Variants in CFAP299 observed in about 807,000 individuals in gnomAD.
The protein encoded by CFAP299 is cilia and flagella associated protein 299.
CFAP299 carries 21 observed loss-of-function variants against 27.0 expected under a neutral mutation model. The ratio of observed to expected loss-of-function variants is 0.78; its 90% CI spans 0.55 to 1.12. The LOEUF is 1.12. CFAP299 is among the 50% of genes most tolerant of loss of function. CFAP299 has a pLI of 0.00. For synonymous variants in CFAP299, 104 were observed against 98.1 expected (o/e 1.06, Z -0.36); for missense variants, 310 against 276.6 (o/e 1.12, Z -0.86).
intron 3 of CFAP299, among the ~76,000 whole-genome samples, chr4:80,750,440 A>G (rs545435785): frequency 9.2e-5 from 14 of 152,204 alleles, no homozygotes; most frequent in Non-Finnish European, 1.3e-4. Flanking sequence ...ACACTGAAAT[A>G]TATGAACAAG....
intron 3 of CFAP299, among the ~76,000 whole-genome samples, chr4:80,751,080 C>G (rs1289821265): frequency 6.6e-6 from 1 of 152,182 alleles, no homozygotes; most frequent in East Asian, 1.9e-4. Flanking sequence ...TTGTGGTCAT[C>G]TGGAAGAAAC....
At chr4:80,922,223 G>T (rs1282806796) in intron 4 of CFAP299, among the ~76,000 whole-genome samples, 1 of 151,944 alleles carries the variant, frequency 6.6e-6, no homozygotes, top group Non-Finnish European at 1.5e-5. Context: ...TTATAGGAGT[G>T]GTGACTCTGT....
intron 3 of CFAP299, among the ~76,000 whole-genome samples, chr4:80,710,227 C>T (rs528281507): frequency 1.3e-5 from 2 of 152,210 alleles, no homozygotes; most frequent in South Asian, 4.1e-4. Context: ...TTTGTTTTCT[C>T]ATTGGCCAGG....
intron 2 of CFAP299, among the ~76,000 whole-genome samples, chr4:80,401,562 C>T (rs1209224891): frequency 6.6e-6 from 1 of 152,216 alleles, no homozygotes; most frequent in Non-Finnish European, 1.5e-5. Context: ...GTTTGGGAAC[C>T]TCCACGTGGA....
rs1052514031 is a variant in CFAP299 at position 80,783,168 on chromosome 4, C to CT, written c.334-86824dup. Among the ~76,000 whole-genome samples the CT allele has an allele frequency of 1.3e-3, 204 of 152,262 alleles. 2 individuals carry two copies. Among genetic ancestry groups the CT allele is most frequent in the African/African-American group, 4.6e-3 (192 of 41,548 alleles). On this transcript the variant is annotated intron_variant, in intron 3 of 5. Coordinates refer to ENST00000358105, the MANE Select transcript of CFAP299 (RefSeq NM_152770.3). The stretch of plus-strand genomic sequence containing the variant: ...AGGCAGCAAATCTCTGAAGGCTTGA[C>CT]TGAGACTCTAGTATCCACTTCTAAG...
At chr4:80,379,517 A>T (rs1408933831) in intron 2 of CFAP299, among the ~76,000 whole-genome samples, 1 of 151,986 alleles carries the variant, frequency 6.6e-6, no homozygotes, top group Non-Finnish European at 1.5e-5. Flanking sequence ...CTTCTGCTAT[A>T]TAAACTTGAA....
chr4:80,940,370 C>T (rs1459169630), intron 4 of CFAP299, among the ~76,000 whole-genome samples: 1 of 152,192 alleles, frequency 6.6e-6, no homozygotes, highest in African/African-American at 2.4e-5. Context: ...GGCCCTCACT[C>T]AGCTATCATT....
intron 3 of CFAP299, among the ~76,000 whole-genome samples, chr4:80,800,631 T>C (rs1728505438): frequency 9.7e-6 from 1 of 102,966 alleles, no homozygotes; most frequent in Non-Finnish European, 1.7e-5. Context: ...TATATTAATA[T>C]AAATATATAA....
chr4:80,534,956 A>G (rs1733653189), intron 2 of CFAP299, among the ~76,000 whole-genome samples: 1 of 152,218 alleles, frequency 6.6e-6, no homozygotes, highest in Non-Finnish European at 1.5e-5. Flanking sequence ...AGAATCTTCA[A>G]GCTTCTAAAT....
chr4:80,397,417 G>C (rs369157622), intron 2 of CFAP299, among the ~76,000 whole-genome samples: 65 of 151,816 alleles, frequency 4.3e-4, no homozygotes, highest in South Asian at 1.7e-3. Context: ...TTCTTGCCTT[G>C]TGCTAGCTTT....
At chr4:80,469,614 T>C (rs1729883333) in intron 2 of CFAP299, among the ~76,000 whole-genome samples, 1 of 152,208 alleles carries the variant, frequency 6.6e-6, no homozygotes, top group Non-Finnish European at 1.5e-5. Context: ...TAATATTATC[T>C]GTGGGTCTCC....
At chr4:80,862,803 A>G (rs78845490) in intron 3 of CFAP299, among the ~76,000 whole-genome samples, 18,917 of 152,078 alleles carry the variant, frequency 0.12, 1,353 homozygotes, top group Middle Eastern at 0.25. Context: ...TATATATTTT[A>G]TATATATATG....
intron 3 of CFAP299, among the ~76,000 whole-genome samples, chr4:80,694,987 T>C (rs968888176): frequency 1.3e-5 from 2 of 152,212 alleles, no homozygotes; most frequent in African/African-American, 4.8e-5. Context: ...GTGCTAGCAG[T>C]GACCAAATCA....
At chr4:80,953,997 T>G (rs1172189638) in intron 5 of CFAP299, among the ~76,000 whole-genome samples, 1 of 152,184 alleles carries the variant, frequency 6.6e-6, no homozygotes, top group Non-Finnish European at 1.5e-5. Flanking sequence ...ATGGAGAGAT[T>G]TGAGGAAGAG....
chr4:80,431,371 C>CT (rs398083231), intron 2 of CFAP299, among the ~76,000 whole-genome samples: 17 of 147,036 alleles, frequency 1.2e-4, no homozygotes, highest in Non-Finnish European at 2.3e-4. Context: ...ATCTCTCCCC[C>CT]CTTCCTTCCC....
intron 2 of CFAP299, among the ~76,000 whole-genome samples, chr4:80,366,101 A>C (rs1723820424): frequency 6.6e-6 from 1 of 152,188 alleles, no homozygotes. Flanking sequence ...TGTTGTTGAC[A>C]GCAGGGCCAG....
intron 2 of CFAP299, among the ~76,000 whole-genome samples, chr4:80,478,352 A>AC (rs536572086): frequency 7.8e-4 from 119 of 152,070 alleles, no homozygotes; most frequent in African/African-American, 2.7e-3. Context: ...TTATTTTATA[A>AC]TTTTTTTGTT....
chr4:80,837,725 G>T (rs113056053), intron 3 of CFAP299, among the ~76,000 whole-genome samples: 1,870 of 152,226 alleles, frequency 0.012, 17 homozygotes, highest in Middle Eastern at 0.02. Flanking sequence ...TTACTATTGT[G>T]AATAGTGCTG....
Position 80,894,799 on chromosome 4 carries a change from A to T in CFAP299, c.476+24664A>T, listed in dbSNP as rs534442826. Among the ~76,000 whole-genome samples the T allele has an allele frequency of 5.3e-5, 8 of 151,852 alleles. No homozygotes were observed. In the East Asian group the frequency reaches 7.7e-4, roughly 15 times the overall value. On this transcript the variant is annotated intron_variant, in intron 4 of 5. Coordinates refer to ENST00000358105, the MANE Select transcript of CFAP299 (RefSeq NM_152770.3). The stretch of plus-strand genomic sequence containing the variant: ...AGATATGTGTGTGAGTGTGTGTGTG[A>T]GAGAGAGAGCTATATAATGGAATAT...
Sources: gnomAD v4.1 joint callset for allele counts (sites outside exome capture counted in the v4.1 genomes callset) on GRCh38, gnomAD v4.1.1 for gene constraint, MANE v1.5 for transcripts, NCBI Gene and HGNC (gene_info 2026-07-23, HGNC 2026-07-21) for gene names.